Variants in IARS2 observed in about 807,000 individuals in gnomAD.
IARS2 encodes the protein isoleucine--tRNA ligase, mitochondrial.
In IARS2, 56 loss-of-function variants were observed where a neutral mutation model predicts 126.3. The ratio of observed to expected loss-of-function variants is 0.44; its 90% CI spans 0.36 to 0.55. IARS2 has a LOEUF of 0.55. IARS2 is among the 20% of genes least tolerant of loss of function. IARS2 has a pLI of 0.00. For missense variants in IARS2, 1,127 were observed against 1,245.9 expected, an observed-to-expected ratio of 0.90 and a Z score of 1.44; for synonymous variants, 407 against 441.1, an observed-to-expected ratio of 0.92 and a Z score of 0.97.
intron 12 of IARS2, among the ~76,000 whole-genome samples, chr1:220,120,006 A>G (rs1657004760): frequency 6.6e-6 from 1 of 151,566 alleles, no homozygotes. Flanking sequence ...TATCATCATT[A>G]TACCTAGCTC....
Position 220,102,603 on chromosome 1 carries a change from A to C in IARS2, c.858A>C (p.Ile286=). 3 of 1,603,862 alleles carry C rather than the reference A, an allele frequency of 1.9e-6. No individual in the cohort carries two copies. Among genetic ancestry groups the C allele is most frequent in the Non-Finnish European group, 2.6e-6 (3 of 1,170,764 alleles). Residue 286 remains isoleucine (I), a splice_region_variant and synonymous_variant, in exon 6 of 23, where the codon ATA becomes ATC. Transcript: ENST00000366922. ...CTTCTCCAAAATTGGCATCTCTTAT[A>C]GGTAAGATTTATTCATAGCTTGAGT... ...LKPSPKLASL[I]DGSSPVSILV...
chr1:220,096,732 G>A (rs1656451573), intron 2 of IARS2, among the ~76,000 whole-genome samples: 1 of 152,116 alleles, frequency 6.6e-6, no homozygotes, highest in Non-Finnish European at 1.5e-5. Context: ...CCAGGAATTT[G>A]GTCACTGAAT....
rs1186000971 is a variant in IARS2 at position 220,146,517 on chromosome 1, C to CAA, written c.2896+885_2896+886dup. On this transcript the variant is annotated intron_variant, in intron 22 of 22. Coordinates refer to ENST00000366922, the MANE Select transcript of IARS2 (RefSeq NM_018060.4). Reference sequence around the variant, plus strand: ...TGGGCGACAGAGCGAGACTCCGTCTCAAAAAAAAAAAAAAAAAAAAAAGCA... The same window carrying CAA: ...TGGGCGACAGAGCGAGACTCCGTCTCAAAAAAAAAAAAAAAAAAAAAAAAGCA... 1.9e-3 allele frequency among the ~76,000 whole-genome samples: 115 copies of CAA among 61,874 alleles called. 5 individuals are homozygous for CAA. Among genetic ancestry groups the CAA allele is most frequent in the Middle Eastern group, 0.011 (1 of 88 alleles). 40.6% of individuals were successfully genotyped at this position (61,874 alleles called of 152,430 possible). A position where few individuals can be genotyped will look rare whatever the true frequency, so the allele number is the denominator to read the frequency against.
At chr1:220,138,951 A>G in intron 17 of IARS2, 57 bp from the exon 18 acceptor site, 1 of 1,497,528 alleles carries the variant, frequency 6.7e-7, no homozygotes. Flanking sequence ...CTTTTCAGTG[A>G]AAATTGAAGG....
chr1:220,111,598 A>ATATATATATGTGTGTGTGTG (rs374024744), intron 11 of IARS2, among the ~76,000 whole-genome samples: 4 of 134,836 alleles, frequency 3.0e-5, no homozygotes, highest in African/African-American at 1.1e-4. Flanking sequence ...ATATATATAT[A>ATATATATATGTGTGTGTGTG]TGTGTGTGTG....
chr1:220,133,007 ATTTCT>A (rs1224784000), intron 14 of IARS2, among the ~76,000 whole-genome samples: 4 of 148,986 alleles, frequency 2.7e-5, no homozygotes, highest in African/African-American at 7.4e-5. Context: ...CATCACAGTT[ATTTCT>A]TTTCTTTTTT....
At chr1:220,112,555 C>G (rs1283137403) in intron 11 of IARS2, among the ~76,000 whole-genome samples, 1 of 116,110 alleles carries the variant, frequency 8.6e-6, no homozygotes, top group Non-Finnish European at 1.7e-5. Flanking sequence ...AAGATAAGCT[C>G]TTTTTTTTTT....
rs140723595 is a variant in IARS2 at position 220,127,230 on chromosome 1, A to G, written c.1837+387A>G. ...AGAAAATGAAATTGACTTAGAGCCA[A>G]ATTAGGTGATGGTCACATAGCTTAG... is the stretch of plus-strand genomic sequence containing the variant. On this transcript the variant is annotated intron_variant, in intron 14 of 22. Transcript: ENST00000366922. 1.1e-4 allele frequency among the ~76,000 whole-genome samples: 16 copies of G among 152,326 alleles called. No individual in the cohort carries two copies. The East Asian group carries it at 2.9e-3, about 28-fold the overall frequency.
intron 14 of IARS2, among the ~76,000 whole-genome samples, chr1:220,133,399 A>G (rs896082133): frequency 1.3e-5 from 2 of 152,182 alleles, no homozygotes; most frequent in Non-Finnish European, 2.9e-5. Context: ...GTCTAACACA[A>G]TGCCTGCTAT....
intron 14 of IARS2, among the ~76,000 whole-genome samples, chr1:220,127,818 A>G (rs2102833311): frequency 6.6e-6 from 1 of 152,356 alleles, no homozygotes; most frequent in African/African-American, 2.4e-5. Context: ...CTCTATTACA[A>G]GTAAAATGTG....
rs777649593 is a variant in IARS2, at chr1:220,125,226, C to G, written c.1641-11C>G. ...TAATTGAATAATTCTGCCATGTCCCCCCTGAAATAGCCAAACCACTGAGCA... is the reference window on the plus strand; with the variant it reads ...TAATTGAATAATTCTGCCATGTCCCGCCTGAAATAGCCAAACCACTGAGCA... On this transcript the variant is annotated splice_polypyrimidine_tract_variant and intron_variant, in intron 12 of 22. Coordinates refer to ENST00000366922, the MANE Select transcript of IARS2 (RefSeq NM_018060.4). 147 of 1,547,610 alleles carry G rather than the reference C, an allele frequency of 9.5e-5. No individual in the cohort carries two copies. Among genetic ancestry groups the G allele is most frequent in the Non-Finnish European group, 1.3e-4 (142 of 1,126,114 alleles).
At position 220,141,872 on chromosome 1, in the gene IARS2, T is replaced by C; in HGVS notation, c.2484T>C (p.Asp828=). 1.2e-6 allele frequency: 2 copies of C among 1,614,182 alleles called. No homozygotes were observed. Among genetic ancestry groups the C allele is most frequent in the Non-Finnish European group, 8.5e-7 (1 of 1,180,014 alleles). ...AGACTGCATTAGTTGAAATTTTGGA[T>C]GTAATAGTTCGTTCTTTTGCTCCCA... ...SCQTALVEIL[D]VIVRSFAPIL... Residue 828 remains aspartate (D), a synonymous_variant, in exon 20 of 23, where the codon GAT becomes GAC. Coordinates refer to ENST00000366922, the MANE Select transcript of IARS2 (RefSeq NM_018060.4).
intron 1 of IARS2, among the ~76,000 whole-genome samples, chr1:220,095,835 C>G (rs2102815119): frequency 6.6e-6 from 1 of 152,296 alleles, no homozygotes; most frequent in South Asian, 2.1e-4. Context: ...CTTAGTGGCA[C>G]TAAACCTTTG....
chr1:220,125,230 G>A lies in IARS2; in HGVS notation c.1641-7G>A. 9 of 1,583,192 alleles carry A rather than the reference G, an allele frequency of 5.7e-6. No individual in the cohort carries two copies. The highest frequency in any genetic ancestry group is 7.8e-6 in the Non-Finnish European group (9 of 1,156,456). ...TGAATAATTCTGCCATGTCCCCCCT[G>A]AAATAGCCAAACCACTGAGCATATT... On this transcript the variant is annotated splice_region_variant and splice_polypyrimidine_tract_variant and intron_variant, in intron 12 of 22. Coordinates refer to ENST00000366922, the MANE Select transcript of IARS2 (RefSeq NM_018060.4).
At chr1:220,105,327 G>T (rs1314926911) in intron 8 of IARS2, among the ~76,000 whole-genome samples, 1 of 152,134 alleles carries the variant, frequency 6.6e-6, no homozygotes, top group Non-Finnish European at 1.5e-5. Flanking sequence ...CAAGATTTTT[G>T]AAAGTGTTAA....
intron 22 of IARS2, among the ~76,000 whole-genome samples, chr1:220,147,054 T>A (rs1423169365): frequency 6.6e-6 from 1 of 152,218 alleles, no homozygotes; most frequent in African/African-American, 2.4e-5. Flanking sequence ...CTAAGAGTAT[T>A]AATTGTGGAG....
Position 220,140,300 on chromosome 1 carries a change from C to T in IARS2, c.2414+11C>T. The T allele has an allele frequency of 3.4e-6, 5 of 1,467,194 alleles. No homozygotes were observed. The highest frequency in any genetic ancestry group is 4.8e-6 in the Non-Finnish European group (5 of 1,047,900). The allele number at this position is 1,467,194 out of a possible 1,614,324, so 90.9% of individuals were successfully genotyped here. On this transcript the variant is annotated intron_variant, in intron 19 of 22. Transcript: ENST00000366922. ...TATAATCAAAGATAGGTATGTATGA[C>T]TAAATATTAAAATGCTTAACAATGG...
intron 21 of IARS2, among the ~76,000 whole-genome samples, chr1:220,144,510 G>A (rs149856149): frequency 5.3e-5 from 8 of 152,278 alleles, no homozygotes; most frequent in African/African-American, 1.9e-4. Flanking sequence ...TAGCTAGTAG[G>A]TATAATAGAT....
At chr1:220,132,517 T>TTC (rs1241833652) in intron 14 of IARS2, among the ~76,000 whole-genome samples, 4 of 150,464 alleles carry the variant, frequency 2.7e-5, no homozygotes, top group Admixed American at 6.8e-5. Flanking sequence ...TATGTCACCT[T>TTC]TCTCTCTCTT....
Sources: gnomAD v4.1 joint callset for allele counts (sites outside exome capture counted in the v4.1 genomes callset) on GRCh38, gnomAD v4.1.1 for gene constraint, MANE v1.5 for transcripts, NCBI Gene and HGNC (gene_info 2026-07-23, HGNC 2026-07-21) for gene names.